The following SP140 variants were observed in gnomAD, a reference collection of about 807,000 sequenced individuals.
The protein encoded by SP140 is SP140 nuclear body protein, also known as nuclear body protein SP140.
SP140 carries 81 observed loss-of-function variants against 125.0 expected under a neutral mutation model. The observed-to-expected ratio is 0.65, with a 90% CI of 0.54 to 0.78. The LOEUF (loss-of-function observed/expected upper bound fraction) is 0.78. Ranked by LOEUF, SP140 falls within the 30% of genes least tolerant of loss-of-function variation. SP140 has a pLI of 0.00. For synonymous variants in SP140, 312 were observed against 354.0 expected (o/e 0.88, Z 1.33); for missense variants, 858 against 1,037.0 (o/e 0.83, Z 2.37).
At chr2:230,214,996 CA>C in intron 3 of SP140, 6 of 1,614,032 alleles carry the variant, frequency 3.7e-6, no homozygotes, top group Non-Finnish European at 5.1e-6. Flanking sequence ...GATATTCACG[CA>C]GGTTAATTTG....
At chr2:230,252,361 T>A (rs1315361526) in intron 10 of SP140, among the ~76,000 whole-genome samples, 1 of 151,966 alleles carries the variant, frequency 6.6e-6, no homozygotes, top group Non-Finnish European at 1.5e-5. Context: ...GATATAAGTG[T>A]ATACCTTCAT....
intron 15 of SP140, among the ~76,000 whole-genome samples, chr2:230,279,171 A>G (rs139029423): frequency 6.6e-6 from 1 of 152,280 alleles, no homozygotes; most frequent in Non-Finnish European, 1.5e-5. Context: ...ATTGAAAAAT[A>G]TACAAATAAA....
At chr2:230,206,595 T>TTA (rs56817002) in intron 1 of SP140, among the ~76,000 whole-genome samples, 2,923 of 69,546 alleles carry the variant, frequency 0.042, 160 homozygotes, top group Non-Finnish European at 0.055. Flanking sequence ...GGTCCAGATT[T>TTA]TATATATATA....
intron 3 of SP140, chr2:230,219,690 G>A (rs1200342944): frequency 6.5e-6 from 1 of 153,814 alleles, no homozygotes; most frequent in East Asian, 1.9e-4. Context: ...AAAAAAAGAG[G>A]TGTCAGTGTT....
downstream of SP140, among the ~76,000 whole-genome samples, chr2:230,316,012 C>T (rs1428579351): frequency 1.3e-5 from 2 of 152,224 alleles, no homozygotes; most frequent in Admixed American, 1.3e-4. Context: ...AAGCAATTCA[C>T]ATTCTCAAGG....
chr2:230,276,259 C>A (rs2054693538), intron 15 of SP140, among the ~76,000 whole-genome samples: 1 of 152,134 alleles, frequency 6.6e-6, no homozygotes, highest in Non-Finnish European at 1.5e-5. Context: ...ACAGAACAGG[C>A]TGAGTCTCTT....
At chr2:230,214,746 T>C (rs1239047166) in intron 3 of SP140, among the ~76,000 whole-genome samples, 1 of 152,182 alleles carries the variant, frequency 6.6e-6, no homozygotes, top group East Asian at 1.9e-4. Flanking sequence ...AATGTTTATG[T>C]CCTCTAGAAG....
Position 230,245,538 on chromosome 2 carries a change from G to A in SP140, c.665-325G>A, listed in dbSNP as rs79834210. Reference sequence around the variant, plus strand: ...GGGGCAAAGAGGTAACAAACATCACGAAGGAAGAAAGAGACAGAAATGCAA... The same window carrying A: ...GGGGCAAAGAGGTAACAAACATCACAAAGGAAGAAAGAGACAGAAATGCAA... On this transcript the variant is annotated intron_variant, in intron 6 of 26. Coordinates refer to ENST00000392045, the MANE Select transcript of SP140 (RefSeq NM_007237.5). 6.7e-3 allele frequency among the ~76,000 whole-genome samples: 1,026 copies of A among 152,226 alleles called. 12 individuals are homozygous for A. Among genetic ancestry groups the A allele is most frequent in the African/African-American group, 0.023 (969 of 41,526 alleles).
intron 18 of SP140, among the ~76,000 whole-genome samples, chr2:230,288,698 T>C (rs1346851370): frequency 2.0e-5 from 3 of 152,094 alleles, no homozygotes; most frequent in Non-Finnish European, 2.9e-5. Context: ...CGACTTCCAC[T>C]TATGAGTGAG....
At chr2:230,236,980 T>A in intron 1 of SP140, 103 bp from the exon 2 acceptor site, 1 of 767,330 alleles carries the variant, frequency 1.3e-6, no homozygotes, top group Non-Finnish European at 2.0e-6. Flanking sequence ...ATTTTATACA[T>A]GTTGGCTCTC....
At chr2:230,238,553 T>G (rs2048293036) in intron 3 of SP140, 172 bp downstream of exon 3, 1 of 766,040 alleles carries the variant, frequency 1.3e-6, no homozygotes. Context: ...CTTATGGAGT[T>G]TACATACAGT....
intron 10 of SP140, among the ~76,000 whole-genome samples, chr2:230,251,621 A>G (rs1171084735): frequency 6.6e-6 from 1 of 152,176 alleles, no homozygotes; most frequent in Admixed American, 6.5e-5. Context: ...GCTGGTAGAT[A>G]CTTTTTATCA....
chr2:230,260,656 C>T (rs188636490), intron 12 of SP140, among the ~76,000 whole-genome samples: 15 of 152,310 alleles, frequency 9.8e-5, no homozygotes, highest in Non-Finnish European at 2.1e-4. Flanking sequence ...CATTCTCCTA[C>T]ATGTGGCTTG....
In SP140 at chr2:230,215,081, G is replaced by C. The variant is rs202029779; in HGVS notation, c.-91+1007G>C. 35 of 1,613,738 alleles carry C rather than the reference G, an allele frequency of 2.2e-5. No individual in the cohort carries two copies. The South Asian group carries it at 3.6e-4, about 17-fold the overall frequency. On this transcript the variant is annotated intron_variant, in intron 3 of 4. Coordinates refer to the SP140 transcript ENST00000456542. ...GGTGAGAATGTTGTGCACCACTCTG[G>C]ATACAGGGATCAAATTTCTACAGGC...
chr2:230,215,498 G>A (rs912015308), intron 3 of SP140, among the ~76,000 whole-genome samples: 1 of 152,166 alleles, frequency 6.6e-6, no homozygotes, highest in African/African-American at 2.4e-5. Context: ...TTCTAGTGAT[G>A]GTCACAGAGG....
In SP140 at chr2:230,253,378, C is replaced by T. The variant is rs748933450; in HGVS notation, c.1120C>T (p.Pro374Ser). The change falls in exon 11 of 27, where the codon CCA (proline) becomes TCA (serine). Residue 374 changes from proline to serine, a missense_variant. Coordinates refer to ENST00000392045, the MANE Select transcript of SP140 (RefSeq NM_007237.5). ...TCCCCAAGTCACTAATGAAGGAGAA[C>T]CAGAGAAGGAGCTCAGTCTACTACC... ...KTPQVTNEGE[P>S]EKELSLLPGE... 8.1e-6 allele frequency: 13 copies of T among 1,611,604 alleles called. No individual in the cohort carries two copies. In the East Asian group the frequency reaches 2.2e-4, roughly 28 times the overall value.
intron 15 of SP140, 55 bp from the exon 16 acceptor site, chr2:230,284,291 C>T (rs2056058548): frequency 1.3e-6 from 2 of 1,502,038 alleles, no homozygotes; most frequent in South Asian, 1.3e-5. Context: ...ATATAAAACT[C>T]AGAGAATTAT....
At position 230,255,544 on chromosome 2, in the gene SP140, G is replaced by A. The variant is rs546444329; in HGVS notation, c.1240+12G>A. ...AAGACGTGGGTCAGGTAAGGACGGGGGGGGGGATTTCTGGCCCTGGGCTGC... is the reference window on the plus strand; with the variant it reads ...AAGACGTGGGTCAGGTAAGGACGGGAGGGGGGATTTCTGGCCCTGGGCTGC... On this transcript the variant is annotated intron_variant, in intron 12 of 26. Coordinates refer to ENST00000392045, the MANE Select transcript of SP140 (RefSeq NM_007237.5). 2,064 of 1,610,246 alleles carry A rather than the reference G, an allele frequency of 1.3e-3. 2 individuals are homozygous for A. The highest frequency in any genetic ancestry group is 1.6e-3 in the Non-Finnish European group (1,893 of 1,178,564).
chr2:230,217,596 C>T (rs999903130), intron 3 of SP140, among the ~76,000 whole-genome samples: 5 of 152,160 alleles, frequency 3.3e-5, no homozygotes, highest in African/African-American at 9.7e-5. Flanking sequence ...AAAACCCTTG[C>T]GAGGTGGTTC....
Sources: gnomAD v4.1 joint callset for allele counts (sites outside exome capture counted in the v4.1 genomes callset) on GRCh38, gnomAD v4.1.1 for gene constraint, MANE v1.5 for transcripts, NCBI Gene and HGNC (gene_info 2026-07-23, HGNC 2026-07-21) for gene names.